The following NKAIN2 variants were observed in gnomAD, a reference collection of about 807,000 sequenced individuals.
NKAIN2 encodes sodium/potassium transporting ATPase interacting 2.
NKAIN2 carries 14 observed loss-of-function variants against 32.6 expected under a neutral mutation model. The ratio of observed to expected loss-of-function variants is 0.43; its 90% CI spans 0.28 to 0.67. NKAIN2 has a LOEUF of 0.67. Among genes scored for constraint, NKAIN2 ranks in the 30% least tolerant of loss-of-function variants. The probability of loss-of-function intolerance (pLI) is 0.17; values close to 1 mark genes in which losing one functional copy is unlikely to be tolerated. For missense variants in NKAIN2, 198 were observed against 258.3 expected, an observed-to-expected ratio of 0.77 and a Z score of 1.60; for synonymous variants, 80 against 87.2, an observed-to-expected ratio of 0.92 and a Z score of 0.46.
At chr6:124,349,375 C>A (rs1357224932) in intron 2 of NKAIN2, among the ~76,000 whole-genome samples, 1 of 152,078 alleles carries the variant, frequency 6.6e-6, no homozygotes. Context: ...CCAGGGACCC[C>A]TTTTTACTTG....
intron 3 of NKAIN2, among the ~76,000 whole-genome samples, chr6:124,600,194 G>A (rs1782253799): frequency 6.6e-6 from 1 of 152,030 alleles, no homozygotes; most frequent in South Asian, 2.1e-4. Flanking sequence ...ATAAATGACT[G>A]CTTATGGACA....
rs539825426 is a variant in NKAIN2, at chr6:124,164,727, G to A, written c.55-118278G>A. On this transcript the variant is annotated intron_variant, in intron 1 of 6. Transcript: ENST00000368417. ...GTAGTGTGGGCTTAACTATTAAACTGGCGGTCGTATTACAAAAAATATTCA... is the reference window on the plus strand; with the variant it reads ...GTAGTGTGGGCTTAACTATTAAACTAGCGGTCGTATTACAAAAAATATTCA... Among the ~76,000 whole-genome samples, 10 of 152,068 alleles carry A rather than the reference G, an allele frequency of 6.6e-5. No homozygotes were observed. The South Asian group carries it at 2.1e-3, about 32-fold the overall frequency.
intron 2 of NKAIN2, among the ~76,000 whole-genome samples, chr6:124,335,973 A>T (rs900922671): frequency 6.6e-6 from 1 of 152,342 alleles, no homozygotes; most frequent in Admixed American, 6.5e-5. Flanking sequence ...TATGATTGCT[A>T]AATTAATTCT....
chr6:123,828,380 A>G (rs1379969262), intron 1 of NKAIN2, among the ~76,000 whole-genome samples: 1 of 133,638 alleles, frequency 7.5e-6, no homozygotes, highest in Non-Finnish European at 1.5e-5. Flanking sequence ...TGAATAATTT[A>G]TATGTGAAGT....
chr6:124,300,904 A>G (rs1290470938), intron 2 of NKAIN2, among the ~76,000 whole-genome samples: 1 of 152,218 alleles, frequency 6.6e-6, no homozygotes, highest in South Asian at 2.1e-4. Context: ...TTGCAGCCTG[A>G]TATTGCAGTG....
chr6:124,492,081 C>A (rs1777886009), intron 3 of NKAIN2, among the ~76,000 whole-genome samples: 1 of 151,850 alleles, frequency 6.6e-6, no homozygotes, highest in Non-Finnish European at 1.5e-5. Flanking sequence ...TAAAAGAAGA[C>A]CTATTGGCTA....
chr6:124,806,187 T>C (rs909102796), intron 5 of NKAIN2, among the ~76,000 whole-genome samples: 25 of 151,966 alleles, frequency 1.6e-4, no homozygotes, highest in Non-Finnish European at 2.6e-4. Context: ...CATATAATTG[T>C]CAGATTCACC....
intron 1 of NKAIN2, chr6:124,121,763 T>A: frequency 4.6e-6 from 1 of 215,178 alleles, no homozygotes; most frequent in Non-Finnish European, 9.5e-6. Context: ...GAAGTTTATT[T>A]TAGAAGCTCT....
At chr6:124,594,672 CGA>C (rs903456274) in intron 3 of NKAIN2, among the ~76,000 whole-genome samples, 3 of 151,828 alleles carry the variant, frequency 2.0e-5, no homozygotes, top group Admixed American at 2.0e-4. Flanking sequence ...ATGAATGTAC[CGA>C]GAGTGAAATG....
At chr6:123,827,484 T>C (rs973705608) in intron 1 of NKAIN2, among the ~76,000 whole-genome samples, 2 of 152,198 alleles carry the variant, frequency 1.3e-5, no homozygotes, top group Admixed American at 6.6e-5. Context: ...ATAGATTTTG[T>C]TTTTATTAAA....
At chr6:124,808,525 T>C (rs2114852199) in intron 5 of NKAIN2, among the ~76,000 whole-genome samples, 1 of 152,298 alleles carries the variant, frequency 6.6e-6, no homozygotes, top group East Asian at 1.9e-4. Flanking sequence ...ACAGCCAATA[T>C]CATACTGAAT....
intron 1 of NKAIN2, among the ~76,000 whole-genome samples, chr6:124,257,554 A>G (rs1794007943): frequency 6.6e-6 from 1 of 152,180 alleles, no homozygotes; most frequent in South Asian, 2.1e-4. Context: ...TGAACAATTT[A>G]TGAAAGCCCA....
intron 1 of NKAIN2, among the ~76,000 whole-genome samples, chr6:123,895,652 T>A (rs1774245762): frequency 6.6e-6 from 1 of 152,148 alleles, no homozygotes; most frequent in African/African-American, 2.4e-5. Context: ...CCAGAAGAGA[T>A]CCTTTGACAG....
intron 1 of NKAIN2, among the ~76,000 whole-genome samples, chr6:124,274,967 G>T (rs2114892242): frequency 6.6e-6 from 1 of 152,098 alleles, no homozygotes. Context: ...CACATGACTT[G>T]TTAAGCTCAA....
chr6:123,979,331 C>A (rs539112600), intron 1 of NKAIN2, among the ~76,000 whole-genome samples: 1 of 152,256 alleles, frequency 6.6e-6, no homozygotes, highest in Admixed American at 6.5e-5. Flanking sequence ...TGTGCTCCTT[C>A]TCATAGGGCA....
chr6:123,913,530 C>A lies in NKAIN2; in HGVS notation c.54+109276C>A, dbSNP rs1158597335. Among the ~76,000 whole-genome samples the A allele has an allele frequency of 2.6e-5, 4 of 152,106 alleles. No homozygotes were observed. In the South Asian group the frequency reaches 8.3e-4, roughly 32 times the overall value. ...CTTCTTACTACAAAAAACCTCAGTTCTCTTTATTACCTAGATGTATTGTGT... is the reference window on the plus strand; with the variant it reads ...CTTCTTACTACAAAAAACCTCAGTTATCTTTATTACCTAGATGTATTGTGT... On this transcript the variant is annotated intron_variant, in intron 1 of 6. Coordinates refer to ENST00000368417, the MANE Select transcript of NKAIN2 (RefSeq NM_001040214.3).
intron 1 of NKAIN2, among the ~76,000 whole-genome samples, chr6:123,927,965 GC>G (rs1353723864): frequency 6.6e-6 from 1 of 152,106 alleles, no homozygotes; most frequent in Non-Finnish European, 1.5e-5. Flanking sequence ...AGAACCATGA[GC>G]CCAGTTCAAG....
chr6:124,458,351 G>A (rs1389077960), intron 3 of NKAIN2, among the ~76,000 whole-genome samples: 2 of 151,844 alleles, frequency 1.3e-5, no homozygotes, highest in Non-Finnish European at 2.9e-5. Context: ...TGAAACTCTA[G>A]CAGGGTAATT....
intron 1 of NKAIN2, among the ~76,000 whole-genome samples, chr6:123,850,423 G>A (rs948355249): frequency 1.3e-5 from 2 of 151,260 alleles, no homozygotes; most frequent in Admixed American, 1.3e-4. Context: ...AGGGCTACTG[G>A]TGGGTCTACC....
Sources: gnomAD v4.1 joint callset for allele counts (sites outside exome capture counted in the v4.1 genomes callset) on GRCh38, gnomAD v4.1.1 for gene constraint, MANE v1.5 for transcripts, NCBI Gene and HGNC (gene_info 2026-07-23, HGNC 2026-07-21) for gene names.